SERPINA1: variants seen among roughly 807,000 people sequenced by gnomAD.
SERPINA1 encodes alpha-1-antitrypsin.
In SERPINA1, 21 loss-of-function variants were observed where a neutral mutation model predicts 25.4. The observed-to-expected ratio is 0.83, with a 90% CI of 0.59 to 1.19. SERPINA1 has a LOEUF of 1.19. Among genes scored for constraint, SERPINA1 ranks in the 50% most tolerant of loss-of-function variants. The pLI is 0.00. For synonymous variants in SERPINA1, 218 were observed against 211.1 expected, an observed-to-expected ratio of 1.03 and a Z score of -0.29; for missense variants, 546 against 509.0, an observed-to-expected ratio of 1.07 and a Z score of -0.70.
intron 1 of SERPINA1, 182 bp from the exon 2 acceptor site, chr14:94,383,423 A>G: frequency 3.1e-6 from 2 of 638,212 alleles, no homozygotes; most frequent in Non-Finnish European, 5.5e-6. Flanking sequence ...AGTGCTTACC[A>G]TATGCCAAGC....
upstream of SERPINA1, chr14:94,390,359 T>A (rs1897617761): frequency 6.5e-6 from 1 of 152,686 alleles, no homozygotes; most frequent in African/African-American, 2.4e-5. Context: ...TTCCCCTCTC[T>A]GGGCCTTTGT....
At chr14:94,380,658 C>T (rs530219810) in intron 3 of SERPINA1, 4 of 635,448 alleles carry the variant, frequency 6.3e-6, no homozygotes, top group African/African-American at 1.8e-5. Flanking sequence ...TACCTCCTCA[C>T]CCCTGGGTAC....
At position 94,382,537 on chromosome 14, in the gene SERPINA1, A is replaced by G. The variant is rs1030668307; in HGVS notation, c.646+55T>C. The G allele has an allele frequency of 4.4e-6, 7 of 1,609,106 alleles. No individual in the cohort carries two copies. In the South Asian group the frequency reaches 4.4e-5, roughly 10 times the overall value. On this transcript the variant is annotated intron_variant, in intron 2 of 4. Transcript: ENST00000393087. The stretch of plus-strand genomic sequence containing the variant: ...GGAGAGTTCAAGAACTGATGGTTTG[A>G]GAATATTTTTGCTTGTTTCTATGGG...
At chr14:94,379,274 G>T in intron 4 of SERPINA1, 190 bp downstream of exon 4, 1 of 795,524 alleles carries the variant, frequency 1.3e-6, no homozygotes, top group Non-Finnish European at 2.1e-6. Context: ...CAGCTGCACA[G>T]CAGTCCCCTG....
In SERPINA1 at chr14:94,378,365, G is replaced by C; in HGVS notation, c.*84C>G. The C allele has an allele frequency of 1.7e-6, 2 of 1,187,776 alleles. No individual in the cohort carries two copies. The highest frequency in any genetic ancestry group is 1.3e-6 in the Non-Finnish European group (1 of 795,370). 73.6% of individuals were successfully genotyped at this position (1,187,776 alleles called of 1,614,324 possible). Reference sequence around the variant, plus strand: ...TGGGAGGGATTTACAGTCACATGCAGGCAGGGACCAGCTCAACCCTTCTTT... The same window carrying C: ...TGGGAGGGATTTACAGTCACATGCACGCAGGGACCAGCTCAACCCTTCTTT... On this transcript the variant is annotated 3_prime_UTR_variant, in exon 5 of 5. Coordinates refer to ENST00000393087, the MANE Select transcript of SERPINA1 (RefSeq NM_000295.5).
intron 3 of SERPINA1, chr14:94,380,634 AG>A (rs1896830499): frequency 6.8e-6 from 4 of 586,198 alleles, no homozygotes; most frequent in Non-Finnish European, 1.2e-5. Context: ...GGAAGTCCCC[AG>A]GGACGAGACC....
Position 94,378,653 on chromosome 14 carries a change from G to A in SERPINA1, c.1066-13C>T. 1 of 1,613,936 alleles carries A rather than the reference G, an allele frequency of 6.2e-7. No homozygotes were observed. The highest frequency in any genetic ancestry group is 8.5e-7 in the Non-Finnish European group (1 of 1,179,892). On this transcript the variant is annotated splice_polypyrimidine_tract_variant and intron_variant, in intron 4 of 4. Transcript: ENST00000393087. ...CCTTATGCACGGCCTGGAGGGGAGA[G>A]AAGCAGAGACACGTTGTAAGGCTGA...
intron 3 of SERPINA1, 41 bp downstream of exon 3, chr14:94,380,830 G>T: frequency 6.2e-7 from 1 of 1,613,986 alleles, no homozygotes; most frequent in Non-Finnish European, 8.5e-7. Context: ...TGGCTAAGAG[G>T]TGTGGGCAGC....
Position 94,377,579 on chromosome 14 carries a change from C to T in SERPINA1, c.*870G>A, listed in dbSNP as rs997558685. ...TGGCCTTCCTGAGCCATCAGCAGGCCTATGGCCATGTGACTAGGGAGGAGA... is the reference window on the plus strand; with the variant it reads ...TGGCCTTCCTGAGCCATCAGCAGGCTTATGGCCATGTGACTAGGGAGGAGA... On this transcript the variant is annotated 3_prime_UTR_variant, in exon 5 of 5. Transcript: ENST00000393087. 1 of 152,284 alleles carries T rather than the reference C, an allele frequency of 6.6e-6. No homozygotes were observed. Among genetic ancestry groups the T allele is most frequent in the African/African-American group, 2.4e-5 (1 of 41,450 alleles). The allele number at this position is 152,284 out of a possible 1,614,324, so 9.4% of individuals were successfully genotyped here. A position where few individuals can be genotyped will look rare whatever the true frequency, so the allele number is the denominator to read the frequency against.
At position 94,387,705 on chromosome 14, in the gene SERPINA1, G is replaced by T. The variant is rs558335688; in HGVS notation, c.-5+855C>A. ...ACTAGGGCCAGGTTCAAGAGTTTGG[G>T]GACTGGAGCCAGGTGCCTGAGCCCG... On this transcript the variant is annotated intron_variant, in intron 1 of 4. Coordinates refer to ENST00000393087, the MANE Select transcript of SERPINA1 (RefSeq NM_000295.5). Among the ~76,000 whole-genome samples the T allele has an allele frequency of 5.1e-4, 78 of 152,266 alleles. 1 individual carries two copies. In the South Asian group the frequency reaches 0.016, roughly 31 times the overall value.
chr14:94,379,024 C>A (rs137938482), intron 4 of SERPINA1: 92 of 534,188 alleles, frequency 1.7e-4, no homozygotes, highest in African/African-American at 1.6e-3. Flanking sequence ...ATTCATGGAA[C>A]TGCAGTTGTT....
chr14:94,380,953 G>A lies in SERPINA1; in HGVS notation c.835C>T (p.Pro279Ser). 6.2e-7 allele frequency: 1 copy of A among 1,614,174 alleles called. No individual in the cohort carries two copies. Among genetic ancestry groups the A allele is most frequent in the South Asian group, 1.1e-5 (1 of 91,078 alleles). ...AGGTGCTGTAGTTTCCCCTCATCAG[G>A]CAGGAAGAAGATGGCGGTGGCATTG... ...LGNATAIFFL[P>S]DEGKLQHLEN... is the part of the protein sequence containing the mutation. Residue 279 changes from proline to serine, a missense_variant, in exon 3 of 5, where the codon CCT becomes TCT. By Grantham distance (74) the Pro-to-Ser change is moderately conservative. Transcript: ENST00000393087.
At chr14:94,379,668 G>C (rs182336823) in intron 3 of SERPINA1, 57 bp from the exon 4 acceptor site, 1 of 1,611,656 alleles carries the variant, frequency 6.2e-7, no homozygotes, top group Non-Finnish European at 8.5e-7. Context: ...GTTCTTCTGG[G>C]ACCCACCACA....
rs976346353 is a variant in SERPINA1 at position 94,376,786 on chromosome 14, G to T, written c.*1663C>A. The T allele has an allele frequency of 6.6e-6, 1 of 152,186 alleles. No homozygotes were observed. The highest frequency in any genetic ancestry group is 2.4e-5 in the African/African-American group (1 of 41,430). 9.4% of individuals were successfully genotyped at this position (152,186 alleles called of 1,614,324 possible). The stretch of plus-strand genomic sequence containing the variant: ...TTCTATTTATTCTCTGTTCTAATGG[G>T]TATAAACATTTTGTTATCTAACTTG... On this transcript the variant is annotated 3_prime_UTR_variant, in exon 5 of 5. Transcript: ENST00000393087.
rs1382891591 is a variant in SERPINA1, at chr14:94,376,793, C to T, written c.*1656G>A. 1.3e-5 allele frequency: 2 copies of T among 152,188 alleles called. No individual in the cohort carries two copies. The highest frequency in any genetic ancestry group is 2.9e-5 in the Non-Finnish European group (2 of 68,044). 9.4% of individuals were successfully genotyped at this position (152,188 alleles called of 1,614,324 possible). A position where few individuals can be genotyped will look rare whatever the true frequency, so the allele number is the denominator to read the frequency against. ...TATTCTCTGTTCTAATGGGTATAAA[C>T]ATTTTGTTATCTAACTTGAACATCA... On this transcript the variant is annotated 3_prime_UTR_variant, in exon 5 of 5. Transcript: ENST00000393087.
chr14:94,381,436 G>A (rs1445076059), intron 2 of SERPINA1, among the ~76,000 whole-genome samples: 4 of 152,182 alleles, frequency 2.6e-5, no homozygotes, highest in Non-Finnish European at 5.9e-5. Context: ...GGAATCATAT[G>A]TTTATTTGAG....
chr14:94,381,662 C>T (rs1013458743), intron 2 of SERPINA1, among the ~76,000 whole-genome samples: 2 of 152,202 alleles, frequency 1.3e-5, no homozygotes, highest in Non-Finnish European at 2.9e-5. Context: ...CAGAGCTTCA[C>T]CATCGAGGCA....
chr14:94,381,156 A>G lies in SERPINA1; in HGVS notation c.647-15T>C. On this transcript the variant is annotated splice_polypyrimidine_tract_variant and intron_variant, in intron 2 of 4. Coordinates refer to ENST00000393087, the MANE Select transcript of SERPINA1 (RefSeq NM_000295.5). ...CTCCCATTTGCCTGGAGAGAGGGGAAGGTGGGCATCACCAGGGGTGAGTGA... is the reference window on the plus strand; with the variant it reads ...CTCCCATTTGCCTGGAGAGAGGGGAGGGTGGGCATCACCAGGGGTGAGTGA... The G allele has an allele frequency of 6.2e-7, 1 of 1,609,620 alleles. No homozygotes were observed. Among genetic ancestry groups the G allele is most frequent in the South Asian group, 1.1e-5 (1 of 90,920 alleles).
Position 94,378,333 on chromosome 14 carries a change from G to T in SERPINA1, c.*116C>A, listed in dbSNP as rs1395167900. 1.1e-6 allele frequency: 1 copy of T among 924,800 alleles called. No individual in the cohort carries two copies. Among genetic ancestry groups the T allele is most frequent in the East Asian group, 2.4e-5 (1 of 41,356 alleles). The allele number at this position is 924,800 out of a possible 1,614,324, so 57.3% of individuals were successfully genotyped here. ...CTCAGCAGGCAAAGGGAGACTCAGA[G>T]AAAACATGGGAGGGATTTACAGTCA... On this transcript the variant is annotated 3_prime_UTR_variant, in exon 5 of 5. Coordinates refer to ENST00000393087, the MANE Select transcript of SERPINA1 (RefSeq NM_000295.5).
Sources: allele counts gnomAD v4.1 joint callset (sites outside exome capture counted in the v4.1 genomes callset), GRCh38; gene constraint gnomAD v4.1.1; transcripts MANE v1.5; gene names NCBI Gene and HGNC (gene_info 2026-07-23, HGNC 2026-07-21).